STON1: variants seen among roughly 807,000 people sequenced by gnomAD.
STON1 encodes stonin 1.
STON1 carries 79 observed loss-of-function variants against 60.9 expected under a neutral mutation model. The observed-to-expected ratio is 1.30, with a 90% CI of 1.08 to 1.56. The LOEUF (loss-of-function observed/expected upper bound fraction) is 1.56, where lower values mean the gene tolerates loss of function less well. Among genes scored for constraint, STON1 ranks in the 40% most tolerant of loss-of-function variants. The pLI, the probability that STON1 is intolerant of heterozygous loss-of-function variation, is 0.00. For synonymous variants in STON1, 363 were observed against 306.9 expected, an observed-to-expected ratio of 1.18 and a Z score of -1.91; for missense variants, 1,166 against 858.9, an observed-to-expected ratio of 1.36 and a Z score of -4.47.
At chr2:48,574,923 T>C (rs1673396380) in intron 1 of STON1, among the ~76,000 whole-genome samples, 1 of 152,250 alleles carries the variant, frequency 6.6e-6, no homozygotes, top group Admixed American at 6.5e-5. Context: ...TTAAAAACGG[T>C]GTTATGAACG....
At position 48,552,457 on chromosome 2, in the gene STON1, A is replaced by G. The variant is rs555602550; in HGVS notation, c.-48+22241A>G. On this transcript the variant is annotated intron_variant, in intron 1 of 3. Transcript: ENST00000404752. Reference sequence around the variant, plus strand: ...TTACACAACAATGTGAATGTATTTAATGCCACTAAAGTGTACACTTACAGG... The same window carrying G: ...TTACACAACAATGTGAATGTATTTAGTGCCACTAAAGTGTACACTTACAGG... 2.6e-4 allele frequency among the ~76,000 whole-genome samples: 40 copies of G among 152,234 alleles called. No individual in the cohort carries two copies. In the South Asian group the frequency reaches 8.1e-3, roughly 31 times the overall value.
intron 1 of STON1, among the ~76,000 whole-genome samples, chr2:48,539,751 G>A (rs545460486): frequency 1.3e-5 from 2 of 152,200 alleles, no homozygotes; most frequent in East Asian, 1.9e-4. Context: ...GGGATTACAG[G>A]CGTGAGCCAC....
intron 1 of STON1, among the ~76,000 whole-genome samples, chr2:48,551,762 A>C (rs914965296): frequency 6.6e-6 from 1 of 152,214 alleles, no homozygotes; most frequent in Non-Finnish European, 1.5e-5. Context: ...ACATTTACCA[A>C]ACATTGATTG....
intron 1 of STON1, among the ~76,000 whole-genome samples, chr2:48,558,269 T>C (rs1672466747): frequency 6.6e-6 from 1 of 152,206 alleles, no homozygotes; most frequent in African/African-American, 2.4e-5. Context: ...TTGAGTATTG[T>C]TCAAGTTGTT....
intron 1 of STON1, among the ~76,000 whole-genome samples, chr2:48,575,528 C>T (rs994442621): frequency 1.4e-4 from 21 of 151,844 alleles, no homozygotes; most frequent in African/African-American, 4.6e-4. Context: ...TGGTGCATGC[C>T]TGTAATCCCA....
chr2:48,595,330 C>T lies in STON1; in HGVS notation c.*28C>T, dbSNP rs368101734. 2 of 1,584,768 alleles carry T rather than the reference C, an allele frequency of 1.3e-6. No individual in the cohort carries two copies. The highest frequency in any genetic ancestry group is 1.7e-5 in the Admixed American group (1 of 59,626). Reference sequence around the variant, plus strand: ...GTAGCAAGAGTTTATGATGACAGCCCACTTGTCAAATATGTAATTCACCGA... The same window carrying T: ...GTAGCAAGAGTTTATGATGACAGCCTACTTGTCAAATATGTAATTCACCGA... On this transcript the variant is annotated 3_prime_UTR_variant, in exon 4 of 4. Transcript: ENST00000404752.
chr2:48,586,729 G>T (rs1174454033), intron 2 of STON1, among the ~76,000 whole-genome samples: 2 of 151,874 alleles, frequency 1.3e-5, no homozygotes, highest in African/African-American at 4.8e-5. Context: ...TTTTCGGCAT[G>T]ACTGCTACAG....
In STON1 at chr2:48,582,408, C is replaced by G. The variant is rs748833348; in HGVS notation, c.1775C>G (p.Ser592Cys). 36 of 1,614,034 alleles carry G rather than the reference C, an allele frequency of 2.2e-5. No homozygotes were observed. The South Asian group carries it at 4.0e-4, about 18-fold the overall frequency. Reference protein sequence around the residue: ...LWTMNLQRQKSLKAKMNRRAC... With the variant: ...LWTMNLQRQKCLKAKMNRRAC... ...ACCATGAACCTCCAGAGGCAGAAGT[C>G]TCTGAAAGCTAAAATGAACCGCCGA... The change falls in exon 2 of 4, where the codon TCT (serine) becomes TGT (cysteine). Residue 592 changes from serine to cysteine, a missense_variant. Coordinates refer to ENST00000404752, the MANE Select transcript of STON1 (RefSeq NM_006873.4).
Position 48,551,944 on chromosome 2 carries a change from C to T in STON1, c.-48+21728C>T, listed in dbSNP as rs375216522. Among the ~76,000 whole-genome samples the T allele has an allele frequency of 2.6e-5, 4 of 152,234 alleles. No individual in the cohort carries two copies. In the East Asian group the frequency reaches 7.7e-4, roughly 29 times the overall value. On this transcript the variant is annotated intron_variant, in intron 1 of 3. Transcript: ENST00000404752. ...GATTCCTGGTCAGTCACCAACTTCA[C>T]CTACTCTGAGGGTTAGTTCCTGGTG...
At chr2:48,555,316 GGGGGC>G (rs1672285645) in intron 1 of STON1, among the ~76,000 whole-genome samples, 1 of 63,760 alleles carries the variant, frequency 1.6e-5, no homozygotes, top group African/African-American at 5.7e-5. Context: ...GCCGGGCGGG[GGGGGC>G]TGACCCCCCC....
intron 2 of STON1, among the ~76,000 whole-genome samples, chr2:48,590,693 A>G (rs1166709231): frequency 2.1e-5 from 3 of 139,596 alleles, no homozygotes; most frequent in East Asian, 2.2e-4. Context: ...TTTGAAATAT[A>G]TCCAGTATCT....
intron 1 of STON1, among the ~76,000 whole-genome samples, chr2:48,575,749 G>GTTTTTTT (rs1248081500): frequency 1.8e-5 from 2 of 111,008 alleles, no homozygotes; most frequent in South Asian, 3.1e-4. Context: ...TCTATTTTTA[G>GTTTTTTT]TTTTTGTTTG....
intron 1 of STON1, among the ~76,000 whole-genome samples, chr2:48,571,446 C>T (rs1160981051): frequency 6.6e-6 from 1 of 152,070 alleles, no homozygotes; most frequent in African/African-American, 2.4e-5. Context: ...TGAGACGTTG[C>T]CTGTGAAGGG....
At chr2:48,559,044 G>C (rs1672502295) in intron 1 of STON1, among the ~76,000 whole-genome samples, 1 of 151,494 alleles carries the variant, frequency 6.6e-6, no homozygotes, top group South Asian at 2.1e-4. Flanking sequence ...ATGCTGAGCT[G>C]GTAAGTATAA....
intron 1 of STON1, among the ~76,000 whole-genome samples, chr2:48,571,852 G>T (rs1453092286): frequency 6.6e-6 from 1 of 152,138 alleles, no homozygotes; most frequent in Non-Finnish European, 1.5e-5. Context: ...AGAGGTAAGA[G>T]AAACGGAAGC....
intron 1 of STON1, among the ~76,000 whole-genome samples, chr2:48,534,951 C>T (rs1671362842): frequency 6.6e-6 from 1 of 152,230 alleles, no homozygotes; most frequent in East Asian, 1.9e-4. Context: ...CAGCTCCACT[C>T]ACAAGAAGAA....
At chr2:48,552,804 G>T (rs1672157883) in intron 1 of STON1, among the ~76,000 whole-genome samples, 1 of 152,040 alleles carries the variant, frequency 6.6e-6, no homozygotes, top group South Asian at 2.1e-4. Flanking sequence ...AAATAAAAGT[G>T]TACACTTACA....
At chr2:48,565,036 C>T (rs1431566191) in intron 1 of STON1, among the ~76,000 whole-genome samples, 5 of 138,132 alleles carry the variant, frequency 3.6e-5, no homozygotes, top group South Asian at 4.7e-4. Context: ...CCTGGCCCTC[C>T]GGCTTCTTCT....
chr2:48,570,843 G>GTTTTTTT (rs70946811), intron 1 of STON1, among the ~76,000 whole-genome samples: 18 of 77,120 alleles, frequency 2.3e-4, no homozygotes, highest in Admixed American at 3.2e-4. Flanking sequence ...CTGTCTCTGA[G>GTTTTTTT]TTTTTTTTTT....
Sources: allele counts gnomAD v4.1 joint callset (sites outside exome capture counted in the v4.1 genomes callset), GRCh38; gene constraint gnomAD v4.1.1; transcripts MANE v1.5; gene names NCBI Gene and HGNC (gene_info 2026-07-23, HGNC 2026-07-21).